TMPRSS11A: variants seen among roughly 807,000 people sequenced by gnomAD.
The protein encoded by TMPRSS11A is transmembrane serine protease 11A.
TMPRSS11A carries 53 observed loss-of-function variants against 58.9 expected under a neutral mutation model. The ratio of observed to expected loss-of-function variants is 0.90; its 90% confidence interval spans 0.72 to 1.13. The LOEUF (loss-of-function observed/expected upper bound fraction) is 1.13. Among genes scored for constraint, TMPRSS11A ranks in the 50% most tolerant of loss-of-function variants. TMPRSS11A has a pLI of 0.00. For missense variants in TMPRSS11A, 493 were observed against 499.3 expected (o/e 0.99, Z 0.12); for synonymous variants, 167 against 169.8 (o/e 0.98, Z 0.13).
intron 8 of TMPRSS11A, among the ~76,000 whole-genome samples, chr4:67,918,541 G>T (rs969778973): frequency 2.0e-5 from 3 of 152,142 alleles, no homozygotes; most frequent in African/African-American, 7.2e-5. Flanking sequence ...GCAAAGAAAA[G>T]AAATAAATAT....
intron 5 of TMPRSS11A, among the ~76,000 whole-genome samples, chr4:67,927,611 G>A (rs963137225): frequency 6.6e-6 from 1 of 152,220 alleles, no homozygotes; most frequent in African/African-American, 2.4e-5. Context: ...CAGGTCAAGT[G>A]GGCAGAACAA....
At chr4:67,961,482 CCTTTTTTTTTTTTTTTT>C (rs60561563) in intron 1 of TMPRSS11A, among the ~76,000 whole-genome samples, 12,934 of 102,120 alleles carry the variant, frequency 0.13, 2,237 homozygotes, top group East Asian at 0.23. Context: ...CTTTTCTTTT[CCTTTTTTTTTTTTTTTT>C]TTTTTTTTTT....
At chr4:67,939,614 A>G (rs767619990) in intron 3 of TMPRSS11A, among the ~76,000 whole-genome samples, 7 of 152,072 alleles carry the variant, frequency 4.6e-5, no homozygotes, top group Non-Finnish European at 1.0e-4. Context: ...AAGTGTTTTT[A>G]TTATGAAGGG....
chr4:67,921,044 G>A (rs1720310989), intron 7 of TMPRSS11A, among the ~76,000 whole-genome samples: 1 of 152,116 alleles, frequency 6.6e-6, no homozygotes, highest in African/African-American at 2.4e-5. Flanking sequence ...CTAAAGAATA[G>A]CTGTTATATG....
chr4:67,919,988 C>G (rs930533066), intron 7 of TMPRSS11A, among the ~76,000 whole-genome samples: 2 of 152,124 alleles, frequency 1.3e-5, no homozygotes, highest in Admixed American at 1.3e-4. Flanking sequence ...ATAATGTAGT[C>G]TCATTTACAT....
intron 1 of TMPRSS11A, among the ~76,000 whole-genome samples, chr4:67,959,413 C>A (rs542817149): frequency 1.3e-5 from 2 of 152,224 alleles, no homozygotes; most frequent in African/African-American, 4.8e-5. Context: ...AATAAACAGA[C>A]AATCTACAGA....
chr4:67,937,088 G>A (rs930707691), intron 3 of TMPRSS11A, among the ~76,000 whole-genome samples: 7 of 152,184 alleles, frequency 4.6e-5, no homozygotes, highest in South Asian at 2.1e-4. Context: ...ACATCATGCT[G>A]TATTTGCTGA....
At chr4:67,920,551 T>TATATATATATATATATATATATATA (rs58054364) in intron 7 of TMPRSS11A, among the ~76,000 whole-genome samples, 1 of 80,074 alleles carries the variant, frequency 1.2e-5, no homozygotes, top group African/African-American at 5.1e-5. Flanking sequence ...ATATATATAT[T>TATATATATATATATATATATATATA]TTTTTTTATA....
intron 3 of TMPRSS11A, among the ~76,000 whole-genome samples, chr4:67,942,127 A>G (rs1244673209): frequency 2.6e-5 from 4 of 152,246 alleles, no homozygotes; most frequent in Non-Finnish European, 4.4e-5. Context: ...AACAATGCAC[A>G]AACTCATTAG....
Position 67,946,571 on chromosome 4 carries a change from C to A in TMPRSS11A, c.12G>T (p.Arg4=), listed in dbSNP as rs562799365. ...TGCTTCGGGTGCCAAATCCCACTGTCCTGAGAAAAGGAAGGGCCCACTGGT... is the reference window on the plus strand; with the variant it reads ...TGCTTCGGGTGCCAAATCCCACTGTACTGAGAAAAGGAAGGGCCCACTGGT... MMY[R]TVGFGTRSRN... Residue 4 remains arginine (R), a splice_region_variant and synonymous_variant, in exon 2 of 10, where the codon CGG becomes CGT. Coordinates refer to ENST00000508048, the MANE Select transcript of TMPRSS11A (RefSeq NM_001114387.2). 6.2e-7 allele frequency: 1 copy of A among 1,608,314 alleles called. No homozygotes were observed. The highest frequency in any genetic ancestry group is 8.5e-7 in the Non-Finnish European group (1 of 1,177,510).
In TMPRSS11A at chr4:67,916,826, C is replaced by CAAAATA. The variant is rs761507817; in HGVS notation, c.953-2102_953-2097dup. 4.5e-3 allele frequency among the ~76,000 whole-genome samples: 678 copies of CAAAATA among 151,374 alleles called. 5 individuals carry two copies. Among genetic ancestry groups the CAAAATA allele is most frequent in the African/African-American group, 0.014 (562 of 41,110 alleles). Reference sequence around the variant, plus strand: ...TGGGAGACAGAGCGAGACTCTGTTTCAAAATAAAAATAAAAATAAAAATAA... The same window carrying CAAAATA: ...TGGGAGACAGAGCGAGACTCTGTTTCAAAATAAAAATAAAAATAAAAATAAAAATAA... On this transcript the variant is annotated intron_variant, in intron 8 of 9. Coordinates refer to ENST00000508048, the MANE Select transcript of TMPRSS11A (RefSeq NM_001114387.2).
intron 8 of TMPRSS11A, 79 bp from the exon 9 acceptor site, chr4:67,914,809 T>A: frequency 2.4e-6 from 3 of 1,238,720 alleles, no homozygotes; most frequent in Non-Finnish European, 3.4e-6. Flanking sequence ...TTTCCTAATA[T>A]TTTTTTCATG....
intron 1 of TMPRSS11A, among the ~76,000 whole-genome samples, chr4:67,949,947 G>T (rs985188996): frequency 2.6e-5 from 4 of 152,158 alleles, no homozygotes; most frequent in Non-Finnish European, 4.4e-5. Flanking sequence ...AATACACTTG[G>T]TAAATCCTTT....
In TMPRSS11A at chr4:67,961,477, CTTTTCCTTTTTTTTTTTTT is replaced by C. The variant is rs1560577062; in HGVS notation, c.11+1887_11+1905del. Among the ~76,000 whole-genome samples, 9 of 2,318 alleles carry C rather than the reference CTTTTCCTTTTTTTTTTTTT, an allele frequency of 3.9e-3. 1 individual carries two copies. Among genetic ancestry groups the C allele is most frequent in the African/African-American group, 7.9e-3 (9 of 1,140 alleles). The allele number at this position is 2,318 out of a possible 152,430, so 1.5% of individuals were successfully genotyped here. ...CTTTTCTTTTCTTTCCTTTCCTTTT[CTTTTCCTTTTTTTTTTTTT>C]TTTTTTTTTTTTTTTTTTTTTTTTT... On this transcript the variant is annotated intron_variant, in intron 1 of 9. Transcript: ENST00000508048.
chr4:67,919,315 A>G (rs985691193), intron 7 of TMPRSS11A, 83 bp from the exon 8 acceptor site: 26 of 1,256,274 alleles, frequency 2.1e-5, no homozygotes, highest in Non-Finnish European at 2.8e-5. Flanking sequence ...GGCTAATATA[A>G]GAGAAATACA....
rs1719914402 is a variant in TMPRSS11A at position 67,909,587 on chromosome 4, G to A, written c.*1755C>T. The A allele has an allele frequency of 6.6e-6, 1 of 152,118 alleles. No individual in the cohort carries two copies. 9.4% of individuals were successfully genotyped at this position (152,118 alleles called of 1,614,324 possible). A position where few individuals can be genotyped will look rare whatever the true frequency, so the allele number is the denominator to read the frequency against. ...AATATAGAATAATTTATATGCCTAT[G>A]TATATTTATATATGAAGAAGAAACT... On this transcript the variant is annotated 3_prime_UTR_variant, in exon 10 of 10. Coordinates refer to ENST00000508048, the MANE Select transcript of TMPRSS11A (RefSeq NM_001114387.2).
intron 1 of TMPRSS11A, among the ~76,000 whole-genome samples, chr4:67,952,890 AT>A (rs1160156826): frequency 2.0e-5 from 3 of 152,166 alleles, no homozygotes; most frequent in African/African-American, 4.8e-5. Flanking sequence ...GGTTTCACAC[AT>A]TCAGATAGAT....
chr4:67,942,827 A>G (rs1008158354), intron 3 of TMPRSS11A, among the ~76,000 whole-genome samples: 77 of 152,318 alleles, frequency 5.1e-4, no homozygotes, highest in African/African-American at 1.8e-3. Flanking sequence ...GATACACACT[A>G]TGAATTAGCA....
At chr4:67,920,549 A>ATATATATTT (rs371252656) in intron 7 of TMPRSS11A, among the ~76,000 whole-genome samples, 18 of 130,894 alleles carry the variant, frequency 1.4e-4, no homozygotes, top group African/African-American at 2.5e-4. Context: ...ATATATATAT[A>ATATATATTT]TTTTTTTTTA....
Sources: allele counts gnomAD v4.1 joint callset (sites outside exome capture counted in the v4.1 genomes callset), GRCh38; gene constraint gnomAD v4.1.1; transcripts MANE v1.5; gene names NCBI Gene and HGNC (gene_info 2026-07-23, HGNC 2026-07-21).